Variants in TMEM117 observed in about 807,000 individuals in gnomAD.
The protein encoded by TMEM117 is transmembrane protein 117.
A neutral mutation model predicts 52.4 loss-of-function variants in TMEM117; 27 were observed. The ratio of observed to expected loss-of-function variants is 0.51; its 90% CI spans 0.38 to 0.71. TMEM117 has a LOEUF of 0.71. Among genes scored for constraint, TMEM117 ranks in the 30% least tolerant of loss-of-function variants. The pLI is 0.00. For synonymous variants in TMEM117, 215 were observed against 206.3 expected (o/e 1.04, Z -0.36); for missense variants, 556 against 630.5 (o/e 0.88, Z 1.26).
intron 3 of TMEM117, among the ~76,000 whole-genome samples, chr12:44,030,869 CTAAAGT>C (rs146890911): frequency 0.095 from 14,511 of 152,056 alleles, 1,089 homozygotes; most frequent in African/African-American, 0.2. Context: ...AATATATTGG[CTAAAGT>C]TAAAGTGCCA....
intron 4 of TMEM117, among the ~76,000 whole-genome samples, chr12:44,189,049 C>T (rs539634663): frequency 6.6e-6 from 1 of 152,042 alleles, no homozygotes; most frequent in Non-Finnish European, 1.5e-5. Context: ...AAATATTTAT[C>T]TTTTCTTTAT....
At chr12:43,944,502 A>ATTTTT (rs557317352) in intron 3 of TMEM117, among the ~76,000 whole-genome samples, 160 bp downstream of exon 3, 6 of 149,530 alleles carry the variant, frequency 4.0e-5, no homozygotes, top group Admixed American at 2.0e-4. Flanking sequence ...AGACATTAAC[A>ATTTTT]TTTTTTTTTT....
At chr12:44,014,005 T>G (rs1468154355) in intron 3 of TMEM117, among the ~76,000 whole-genome samples, 1 of 152,144 alleles carries the variant, frequency 6.6e-6, no homozygotes, top group Non-Finnish European at 1.5e-5. Flanking sequence ...TAACAAACTT[T>G]CAGGGGAGGG....
At chr12:44,147,031 C>A (rs1397501792) in intron 4 of TMEM117, among the ~76,000 whole-genome samples, 5 of 152,176 alleles carry the variant, frequency 3.3e-5, no homozygotes, top group African/African-American at 9.7e-5. Flanking sequence ...GCAGCTCTGA[C>A]TTTTCCTGGC....
chr12:44,357,226 C>T (rs10736020), intron 6 of TMEM117, among the ~76,000 whole-genome samples: 65,298 of 151,924 alleles, frequency 0.43, 15,086 homozygotes, highest in East Asian at 0.9. Context: ...ATAGTTTCTC[C>T]CTCTTTTCTG....
intron 3 of TMEM117, among the ~76,000 whole-genome samples, chr12:43,977,817 G>T (rs1174091311): frequency 6.6e-6 from 1 of 152,082 alleles, no homozygotes; most frequent in Non-Finnish European, 1.5e-5. Context: ...ATTTTTGTGG[G>T]CCACCCCATA....
intron 3 of TMEM117, among the ~76,000 whole-genome samples, chr12:44,091,797 A>G (rs1053283785): frequency 2.0e-4 from 31 of 152,242 alleles, no homozygotes; most frequent in African/African-American, 7.2e-4. Flanking sequence ...AAACAATTTA[A>G]AACTGCATGT....
intron 3 of TMEM117, among the ~76,000 whole-genome samples, chr12:44,027,221 C>T (rs1430866173): frequency 2.3e-5 from 3 of 130,446 alleles, no homozygotes; most frequent in South Asian, 2.2e-4. Context: ...AGTCTCTCTC[C>T]GCTGCCCAGG....
chr12:44,342,389 G>T (rs1951429390), intron 6 of TMEM117, among the ~76,000 whole-genome samples: 3 of 152,136 alleles, frequency 2.0e-5, no homozygotes, highest in Admixed American at 2.0e-4. Flanking sequence ...ATGACCTTGG[G>T]AGAAGGTGGT....
At chr12:43,832,492 C>CACTAGGATCTA (rs1422257525), upstream of TMEM117, among the ~76,000 whole-genome samples, 18 of 152,164 alleles carry the variant, frequency 1.2e-4, no homozygotes, top group African/African-American at 4.3e-4. Flanking sequence ...CTCCTAAGTC[C>CACTAGGATCTA]ACATCCGGAT....
intron 2 of TMEM117, among the ~76,000 whole-genome samples, chr12:43,928,324 ATACAT>A (rs1417338436): frequency 2.0e-5 from 3 of 151,966 alleles, no homozygotes; most frequent in Non-Finnish European, 4.4e-5. Context: ...TCTAGATTTG[ATACAT>A]TACTTACTAG....
chr12:44,162,395 G>A (rs1948910161), intron 4 of TMEM117, among the ~76,000 whole-genome samples: 1 of 152,122 alleles, frequency 6.6e-6, no homozygotes, highest in Admixed American at 6.5e-5. Flanking sequence ...CACAGACAGA[G>A]CTGAATGGTG....
chr12:44,371,188 CA>C (rs1205214537), intron 6 of TMEM117, among the ~76,000 whole-genome samples: 8 of 152,154 alleles, frequency 5.3e-5, no homozygotes, highest in African/African-American at 1.9e-4. Flanking sequence ...CACTGCTAAG[CA>C]TAGCAAAGCT....
intron 5 of TMEM117, among the ~76,000 whole-genome samples, chr12:44,266,973 G>GTATATATCT (rs1335909735): frequency 2.6e-5 from 4 of 152,016 alleles, no homozygotes; most frequent in African/African-American, 9.7e-5. Context: ...TTTTGCCTAT[G>GTATATATCT]TATATATCTT....
At chr12:43,998,275 A>C (rs187337489) in intron 3 of TMEM117, among the ~76,000 whole-genome samples, 154 of 152,342 alleles carry the variant, frequency 1.0e-3, no homozygotes, top group Admixed American at 1.6e-3. Flanking sequence ...AGGACTGGAA[A>C]TGTTGTCAGG....
rs569939058 is a variant in TMEM117, at chr12:44,184,172, C to T, written c.511-27118C>T. On this transcript the variant is annotated intron_variant, in intron 4 of 7. Coordinates refer to ENST00000266534, the MANE Select transcript of TMEM117 (RefSeq NM_032256.3). ...AACAGCCTGGCTAACATGGCGAAAT[C>T]CCGTCTCTACTAAAAATACAAAAAT... Among the ~76,000 whole-genome samples the T allele has an allele frequency of 1.5e-3, 225 of 152,094 alleles. 2 individuals carry two copies. The highest frequency in any genetic ancestry group is 5.1e-3 in the African/African-American group (212 of 41,512).
intron 3 of TMEM117, among the ~76,000 whole-genome samples, chr12:44,072,139 C>G (rs939287774): frequency 1.8e-4 from 27 of 151,916 alleles, no homozygotes; most frequent in African/African-American, 5.6e-4. Flanking sequence ...CCATTTATTC[C>G]AGTTTGGCAT....
intron 4 of TMEM117, among the ~76,000 whole-genome samples, chr12:44,202,952 A>AT (rs200126002): frequency 1.3e-5 from 2 of 151,508 alleles, no homozygotes; most frequent in African/African-American, 2.4e-5. Flanking sequence ...CCACGCCTGG[A>AT]TTTTTTTCTT....
At chr12:44,203,707 C>T (rs1592603288) in intron 4 of TMEM117, among the ~76,000 whole-genome samples, 1 of 152,004 alleles carries the variant, frequency 6.6e-6, no homozygotes, top group Non-Finnish European at 1.5e-5. Context: ...CACTCTGTAC[C>T]CAAATGTCAT....
Sources: gnomAD v4.1 joint callset for allele counts (sites outside exome capture counted in the v4.1 genomes callset) on GRCh38, gnomAD v4.1.1 for gene constraint, MANE v1.5 for transcripts, NCBI Gene and HGNC (gene_info 2026-07-23, HGNC 2026-07-21) for gene names.